COMMD8: variants seen among roughly 807,000 people sequenced by gnomAD.
COMMD8 encodes the protein COMM domain-containing protein 8.
In COMMD8, 28 loss-of-function variants were observed where a neutral mutation model predicts 27.2. The observed-to-expected ratio is 1.03, with a 90% CI of 0.76 to 1.41. The LOEUF (loss-of-function observed/expected upper bound fraction) is 1.41, where lower values mean the gene tolerates loss of function less well. COMMD8 is among the 40% of genes most tolerant of loss of function. The pLI is 0.00. For missense variants in COMMD8, 217 were observed against 211.2 expected (o/e 1.03, Z -0.17); for synonymous variants, 79 against 75.5 (o/e 1.05, Z -0.24).
intron 2 of COMMD8, chr4:47,459,862 C>A (rs368276567): frequency 3.2e-5 from 8 of 252,774 alleles, no homozygotes; most frequent in East Asian, 8.7e-5. Context: ...CAAACACACA[C>A]ATTGCAAAAT....
At chr4:47,460,324 G>A (rs201681382) in intron 1 of COMMD8, 25 bp from the exon 2 acceptor site, 28 of 1,584,990 alleles carry the variant, frequency 1.8e-5, no homozygotes, top group Non-Finnish European at 8.6e-6. Flanking sequence ...GGAAATAAAT[G>A]TACTTATAAG....
chr4:47,454,331 T>A (rs971882579), intron 3 of COMMD8, among the ~76,000 whole-genome samples: 7 of 152,172 alleles, frequency 4.6e-5, no homozygotes, highest in Admixed American at 4.6e-4. Flanking sequence ...CATCTATGAA[T>A]TTTAGCCTTT....
At chr4:47,463,560 C>A (rs1302176481) in intron 1 of COMMD8, 26 bp downstream of exon 1, 10 of 1,538,612 alleles carry the variant, frequency 6.5e-6, no homozygotes, top group Middle Eastern at 2.2e-4. Context: ...AGGCCCCGCG[C>A]CGCTTCCCCC....
intron 4 of COMMD8, 96 bp downstream of exon 4, chr4:47,452,963 C>G: frequency 1.8e-6 from 2 of 1,135,322 alleles, no homozygotes; most frequent in Non-Finnish European, 2.5e-6. Context: ...GCCGTTGCCC[C>G]TCCAGCCTGG....
At chr4:47,462,310 T>C (rs780394118) in intron 1 of COMMD8, among the ~76,000 whole-genome samples, 5 of 150,890 alleles carry the variant, frequency 3.3e-5, no homozygotes, top group Non-Finnish European at 4.4e-5. Flanking sequence ...AGTAAAGAGG[T>C]AGAAGAGATG....
rs1729796303 is a variant in COMMD8, at chr4:47,453,122, A to G, written c.468T>C (p.Tyr156=). The change falls in exon 4 of 5, where the codon TAT becomes TAC. Residue 156 remains tyrosine, a synonymous_variant. Coordinates refer to ENST00000381571, the MANE Select transcript of COMMD8 (RefSeq NM_017845.5). ...DVKENGEVKP[Y]SIEMSREELQ... ...GCTCCTCTCTACTCATTTCAATAGA[A>G]TAAGGTTTTACTTCACCATTTTCTT... 1 of 1,613,714 alleles carries G rather than the reference A, an allele frequency of 6.2e-7. No individual in the cohort carries two copies. The highest frequency in any genetic ancestry group is 8.5e-7 in the Non-Finnish European group (1 of 1,179,712).
At position 47,463,664 on chromosome 4, in the gene COMMD8, C is replaced by T. The variant is rs1390893403; in HGVS notation, c.-13G>A. The T allele has an allele frequency of 6.5e-7, 1 of 1,547,012 alleles. No homozygotes were observed. On this transcript the variant is annotated 5_prime_UTR_variant, in exon 1 of 5. Transcript: ENST00000381571. ...CTTCCGGCTCCATCCCTGCGCGAAGCTGGGGCTTGGGTCACGTGTCAAGGC... is the reference window on the plus strand; with the variant it reads ...CTTCCGGCTCCATCCCTGCGCGAAGTTGGGGCTTGGGTCACGTGTCAAGGC...
chr4:47,460,684 T>G (rs1027390632), intron 1 of COMMD8, among the ~76,000 whole-genome samples: 1 of 152,150 alleles, frequency 6.6e-6, no homozygotes, highest in East Asian at 1.9e-4. Flanking sequence ...AACATACTTT[T>G]TTTTCTTTTG....
Position 47,456,701 on chromosome 4 carries a change from G to T in COMMD8, c.251C>A (p.Ser84Ter). 2 of 1,596,866 alleles carry T rather than the reference G, an allele frequency of 1.3e-6. No individual in the cohort carries two copies. Among genetic ancestry groups the T allele is most frequent in the Non-Finnish European group, 1.7e-6 (2 of 1,173,832 alleles). The change falls in exon 3 of 5, where the codon TCA becomes TAA. Residue 84 changes from serine to a stop codon, truncating the protein, a stop_gained. Coordinates refer to ENST00000381571, the MANE Select transcript of COMMD8 (RefSeq NM_017845.5). LOFTEE classifies it high-confidence loss of function. Reference protein sequence around the residue: ...EIFQQLNQLNSLHQETIMKCV... With the variant: ...EIFQQLNQLN ...TTTCATGATAGTTTCTTGATGAAGT[G>T]AATTCAACTGATTCAACTGCTGAAA...
At chr4:47,456,468 TG>T in intron 3 of COMMD8, 108 bp downstream of exon 3, 1 of 693,280 alleles carries the variant, frequency 1.4e-6, no homozygotes, top group Non-Finnish European at 2.2e-6. Flanking sequence ...GATATTTCTT[TG>T]GGATAATACA....
chr4:47,460,234 A>T lies in COMMD8; in HGVS notation c.132T>A (p.Thr44=). Residue 44 remains threonine (T), a synonymous_variant, in exon 2 of 5, where the codon ACT becomes ACA. Transcript: ENST00000381571. The stretch of plus-strand genomic sequence containing the variant: ...GCATCCATTCTTCTGATTCCCAAAC[A>T]GTGTGATAATCTTGGTACACAGGAT... The part of the protein sequence containing the change: ...RAYPVYQDYH[T]VWESEEWMHV... The T allele has an allele frequency of 6.2e-7, 1 of 1,613,534 alleles. No individual in the cohort carries two copies. The highest frequency in any genetic ancestry group is 8.5e-7 in the Non-Finnish European group (1 of 1,179,658).
In COMMD8 at chr4:47,460,207, G is replaced by T. The variant is rs756451793; in HGVS notation, c.159C>A (p.His53Gln). The T allele has an allele frequency of 6.2e-7, 1 of 1,613,278 alleles. No individual in the cohort carries two copies. The highest frequency in any genetic ancestry group is 8.5e-7 in the Non-Finnish European group (1 of 1,179,560). The stretch of plus-strand genomic sequence containing the variant: ...AAAATTTGGCAATATCTTCTAAAAC[G>T]TGCATCCATTCTTCTGATTCCCAAA... ...HTVWESEEWMHVLEDIAKFFK... is the reference protein window; with the variant it reads ...HTVWESEEWMQVLEDIAKFFK... Residue 53 changes from histidine to glutamine, a missense_variant, in exon 2 of 5, where the codon CAC (histidine) becomes CAA (glutamine). By Grantham distance (24) the His-to-Gln change is conservative. Coordinates refer to ENST00000381571, the MANE Select transcript of COMMD8 (RefSeq NM_017845.5).
At chr4:47,456,165 T>C (rs1729879064) in intron 3 of COMMD8, among the ~76,000 whole-genome samples, 2 of 151,532 alleles carry the variant, frequency 1.3e-5, no homozygotes, top group African/African-American at 4.8e-5. Flanking sequence ...AAGAATTGCT[T>C]GAACCCGGGA....
chr4:47,460,535 A>G (rs1161379508), intron 1 of COMMD8, among the ~76,000 whole-genome samples: 1 of 150,990 alleles, frequency 6.6e-6, no homozygotes, highest in Non-Finnish European at 1.5e-5. Flanking sequence ...TATAAAAATT[A>G]CATAATGAAA....
chr4:47,460,266 G>A lies in COMMD8; in HGVS notation c.100C>T (p.Arg34Ter), dbSNP rs750814444. 6 of 1,610,678 alleles carry A rather than the reference G, an allele frequency of 3.7e-6. No individual in the cohort carries two copies. The highest frequency in any genetic ancestry group is 2.2e-5 in the East Asian group (1 of 44,582). Residue 34 changes from arginine (R) to a stop codon, truncating the protein, a stop_gained, in exon 2 of 5, where the codon CGA (arginine) becomes TGA (stop). Coordinates refer to ENST00000381571, the MANE Select transcript of COMMD8 (RefSeq NM_017845.5). LOFTEE classifies it high-confidence loss of function. The part of the protein sequence containing the change: ...LHKIIDGICG[R>*]AYPVYQDYHT... ...TAATCTTGGTACACAGGATAAGCTC[G>A]ACCACAAATGCCATCAATTATTTTG... is the stretch of plus-strand genomic sequence containing the variant.
intron 1 of COMMD8, among the ~76,000 whole-genome samples, chr4:47,462,311 A>G (rs901879508): frequency 2.6e-5 from 4 of 152,136 alleles, no homozygotes; most frequent in Admixed American, 6.5e-5. Flanking sequence ...GTAAAGAGGT[A>G]GAAGAGATGT....
chr4:47,456,793 T>C (rs1578173741), intron 2 of COMMD8, 64 bp from the exon 3 acceptor site: 2 of 1,247,152 alleles, frequency 1.6e-6, no homozygotes, highest in East Asian at 2.7e-5. Context: ...AATTCCACTC[T>C]CCTTTTGCAC....
At chr4:47,463,176 G>GC (rs946217289) in intron 1 of COMMD8, among the ~76,000 whole-genome samples, 13 of 4,756 alleles carry the variant, frequency 2.7e-3, no homozygotes, top group East Asian at 0.023. Flanking sequence ...CCACCCTCAA[G>GC]GGGGGAGGCA....
At chr4:47,459,587 T>A (rs1180675652) in intron 2 of COMMD8, among the ~76,000 whole-genome samples, 1 of 152,174 alleles carries the variant, frequency 6.6e-6, no homozygotes. Flanking sequence ...TAAAATACAC[T>A]AACTAGATCC....
Sources: gnomAD v4.1 joint callset for allele counts (sites outside exome capture counted in the v4.1 genomes callset) on GRCh38, gnomAD v4.1.1 for gene constraint, MANE v1.5 for transcripts, NCBI Gene and HGNC (gene_info 2026-07-23, HGNC 2026-07-21) for gene names.